STAU2: variants seen among roughly 807,000 people sequenced by gnomAD.
STAU2 encodes the protein double-stranded RNA-binding protein Staufen homolog 2.
Under a neutral mutation model 65.9 loss-of-function variants are expected in STAU2, and 20 were observed. The ratio of observed to expected loss-of-function variants is 0.30; its 90% CI spans 0.21 to 0.44. The LOEUF is 0.44. Ranked by LOEUF, STAU2 falls within the 20% of genes least tolerant of loss-of-function variation. The pLI, the probability that STAU2 is intolerant of heterozygous loss-of-function variation, is 1.00. For missense variants in STAU2, 558 were observed against 683.9 expected, an observed-to-expected ratio of 0.82 and a Z score of 2.05; for synonymous variants, 232 against 233.9, an observed-to-expected ratio of 0.99 and a Z score of 0.07.
At chr8:73,492,479 G>C (rs763249199) in intron 13 of STAU2, among the ~76,000 whole-genome samples, 2 of 151,782 alleles carry the variant, frequency 1.3e-5, no homozygotes, top group Non-Finnish European at 2.9e-5. Flanking sequence ...ATGCTTCCTA[G>C]ATAAGTACTC....
chr8:73,746,790 C>A lies in STAU2; in HGVS notation c.-204G>T. 1.6e-6 allele frequency: 2 copies of A among 1,232,188 alleles called. No individual in the cohort carries two copies. The highest frequency in any genetic ancestry group is 2.0e-6 in the Non-Finnish European group (2 of 987,012). The allele number at this position is 1,232,188 out of a possible 1,614,324, so 76.3% of individuals were successfully genotyped here. On this transcript the variant is annotated 5_prime_UTR_variant, in exon 1 of 15. Transcript: ENST00000524300. Reference sequence around the variant, plus strand: ...CCCGATGAGGGTATTTACCTTCTTGCCGGGGACACTTTGCAGACGGCTCCA... The same window carrying A: ...CCCGATGAGGGTATTTACCTTCTTGACGGGGACACTTTGCAGACGGCTCCA...
At chr8:73,697,044 G>GTTGTT (rs59831190) in intron 4 of STAU2, among the ~76,000 whole-genome samples, 45,392 of 151,180 alleles carry the variant, frequency 0.3, 7,014 homozygotes, top group East Asian at 0.45. Flanking sequence ...GCAGACTTTT[G>GTTGTT]TTGTTTTGTT....
chr8:73,587,655 T>C (rs1563441312), intron 11 of STAU2, among the ~76,000 whole-genome samples: 1 of 152,214 alleles, frequency 6.6e-6, no homozygotes, highest in Non-Finnish European at 1.5e-5. Flanking sequence ...TCATTTTCCA[T>C]AGCAGAAAGT....
chr8:73,641,991 CTTATCT>C, intron 6 of STAU2, among the ~76,000 whole-genome samples: 1 of 152,186 alleles, frequency 6.6e-6, no homozygotes, highest in Admixed American at 6.5e-5. Flanking sequence ...TACTAGAGCA[CTTATCT>C]TTAAGTAGAC....
intron 5 of STAU2, among the ~76,000 whole-genome samples, chr8:73,687,242 A>ATATTTCTATT: frequency 2.3e-5 from 3 of 130,374 alleles, no homozygotes; most frequent in Non-Finnish European, 3.2e-5. Flanking sequence ...AAATTAATTT[A>ATATTTCTATT]AATATAAATT....
intron 6 of STAU2, among the ~76,000 whole-genome samples, chr8:73,628,508 C>T (rs536126077): frequency 6.6e-6 from 1 of 152,060 alleles, no homozygotes; most frequent in African/African-American, 2.4e-5. Context: ...TTATTTAATT[C>T]CAGCAGCAGA....
At chr8:73,644,299 C>G (rs759244754) in intron 6 of STAU2, among the ~76,000 whole-genome samples, 1 of 151,778 alleles carries the variant, frequency 6.6e-6, no homozygotes, top group African/African-American at 2.4e-5. Flanking sequence ...ATACATAGAT[C>G]AGAATTAGCC....
intron 11 of STAU2, among the ~76,000 whole-genome samples, chr8:73,591,248 G>A (rs1286062327): frequency 6.6e-6 from 1 of 151,914 alleles, no homozygotes; most frequent in Non-Finnish European, 1.5e-5. Context: ...CACAATAGGA[G>A]GTCAGAGAAA....
intron 6 of STAU2, among the ~76,000 whole-genome samples, chr8:73,666,287 T>C (rs1817237152): frequency 6.6e-6 from 1 of 152,176 alleles, no homozygotes. Context: ...TGAAATGTAA[T>C]AAACAAGCTG....
chr8:73,657,457 C>T (rs182453910), intron 6 of STAU2, among the ~76,000 whole-genome samples: 130 of 152,142 alleles, frequency 8.5e-4, no homozygotes, highest in African/African-American at 3.0e-3. Flanking sequence ...AATAAAAATA[C>T]TACATAGCAG....
At chr8:73,433,641 G>C (rs1207221834) in intron 13 of STAU2, among the ~76,000 whole-genome samples, 1 of 151,470 alleles carries the variant, frequency 6.6e-6, no homozygotes, top group Non-Finnish European at 1.5e-5. Flanking sequence ...GCTGGGATTA[G>C]AGGCGTGCAT....
At chr8:73,469,357 G>T (rs1819847997) in intron 13 of STAU2, among the ~76,000 whole-genome samples, 3 of 151,808 alleles carry the variant, frequency 2.0e-5, no homozygotes, top group African/African-American at 2.4e-5. Flanking sequence ...CTAATGTAAA[G>T]GACGAGTTAA....
intron 12 of STAU2, among the ~76,000 whole-genome samples, chr8:73,569,690 G>C (rs546076674): frequency 2.0e-5 from 3 of 152,172 alleles, no homozygotes; most frequent in Non-Finnish European, 4.4e-5. Context: ...TGATACCCAG[G>C]CAAACAGGAT....
Position 73,423,251 on chromosome 8 carries a change from T to A in STAU2, c.1531-549A>T, listed in dbSNP as rs1816531956. On this transcript the variant is annotated intron_variant, in intron 13 of 14. Coordinates refer to ENST00000524300, the MANE Select transcript of STAU2 (RefSeq NM_001164380.2). Reference sequence around the variant, plus strand: ...AGGAAAGAGAGAAAGTTTGGGCTGGTCATGTTCTGGGGAGGCAGGCCTGCC... The same window carrying A: ...AGGAAAGAGAGAAAGTTTGGGCTGGACATGTTCTGGGGAGGCAGGCCTGCC... 2.0e-5 allele frequency among the ~76,000 whole-genome samples: 3 copies of A among 152,110 alleles called. No individual in the cohort carries two copies. The South Asian group carries it at 6.2e-4, about 32-fold the overall frequency.
At chr8:73,578,059 G>A (rs914550976) in intron 12 of STAU2, among the ~76,000 whole-genome samples, 2 of 151,616 alleles carry the variant, frequency 1.3e-5, no homozygotes, top group East Asian at 1.9e-4. Context: ...GGTTTCATCC[G>A]TTGCTCTTAT....
intron 12 of STAU2, among the ~76,000 whole-genome samples, chr8:73,553,410 C>G (rs1294119766): frequency 6.6e-6 from 1 of 152,042 alleles, no homozygotes; most frequent in Non-Finnish European, 1.5e-5. Context: ...ATAACATGGT[C>G]CCCAAATAAA....
intron 13 of STAU2, among the ~76,000 whole-genome samples, chr8:73,429,448 T>TTG (rs1554588633): frequency 5.0e-5 from 7 of 139,050 alleles, no homozygotes; most frequent in Non-Finnish European, 9.3e-5. Flanking sequence ...TTTTTTTTTT[T>TTG]TTGAGGCAAA....
rs759837917 is a variant in STAU2 at position 73,576,090 on chromosome 8, ACT to A, written c.1222+6678_1222+6679del. Among the ~76,000 whole-genome samples the A allele has an allele frequency of 4.8e-4, 73 of 152,192 alleles. 1 individual carries two copies. The highest frequency in any genetic ancestry group is 1.2e-4 in the Non-Finnish European group (8 of 68,012). ...ATTAGATACTTTGAAGGGCCCTCCC[ACT>A]ATGAAACAACTGGTATTTCTTGTAA... On this transcript the variant is annotated intron_variant, in intron 12 of 14. Transcript: ENST00000524300.
chr8:73,524,108 G>A (rs992740642), intron 13 of STAU2, among the ~76,000 whole-genome samples: 12 of 151,998 alleles, frequency 7.9e-5, no homozygotes, highest in African/African-American at 2.7e-4. Flanking sequence ...GGCTAATTTA[G>A]AGACTGCTGC....
Sources: allele counts gnomAD v4.1 joint callset (sites outside exome capture counted in the v4.1 genomes callset), GRCh38; gene constraint gnomAD v4.1.1; transcripts MANE v1.5; gene names NCBI Gene and HGNC (gene_info 2026-07-23, HGNC 2026-07-21).